YTHDF3: variants seen among roughly 807,000 people sequenced by gnomAD.
The protein encoded by YTHDF3 is YTH N6-methyladenosine RNA binding protein F3.
A neutral mutation model predicts 52.5 loss-of-function variants in YTHDF3; 9 were observed. The observed-to-expected ratio is 0.17, with a 90% CI of 0.10 to 0.30. The LOEUF (loss-of-function observed/expected upper bound fraction) is 0.30, where lower values mean the gene tolerates loss of function less well. Ranked by LOEUF, YTHDF3 falls within the 10% of genes least tolerant of loss-of-function variation. The probability of loss-of-function intolerance (pLI) is 1.00; values close to 1 mark genes in which losing one functional copy is unlikely to be tolerated. For missense variants in YTHDF3, 534 were observed against 715.0 expected (o/e 0.75, Z 2.89); for synonymous variants, 274 against 243.3 (o/e 1.13, Z -1.18).
intron 4 of YTHDF3, among the ~76,000 whole-genome samples, chr8:63,189,466 A>G (rs1585765048): frequency 1.3e-5 from 2 of 152,246 alleles, no homozygotes; most frequent in South Asian, 2.1e-4. Flanking sequence ...GCTTGTTACT[A>G]TGGAAAGCAT....
intron 3 of YTHDF3, among the ~76,000 whole-genome samples, chr8:63,179,648 T>A (rs911412037): frequency 6.6e-6 from 1 of 152,202 alleles, no homozygotes; most frequent in African/African-American, 2.4e-5. Flanking sequence ...ACCATCCGAT[T>A]TCTCAATCTT....
Position 63,187,776 on chromosome 8 carries a change from CT to C in YTHDF3, c.1734+34del. The C allele has an allele frequency of 1.9e-6, 3 of 1,541,384 alleles. No individual in the cohort carries two copies. The South Asian group carries it at 3.8e-5, about 20-fold the overall frequency. On this transcript the variant is annotated intron_variant, in intron 4 of 4. Transcript: ENST00000539294. ...AATATAGTAATTTTTTGTTTGGGGT[CT>C]TTGTATTGCTGGTGGGGTGCATGGA... is the stretch of plus-strand genomic sequence containing the variant.
At chr8:63,173,317 C>T (rs1807469887) in intron 2 of YTHDF3, among the ~76,000 whole-genome samples, 1 of 150,022 alleles carries the variant, frequency 6.7e-6, no homozygotes, top group Non-Finnish European at 1.5e-5. Flanking sequence ...AATCATAGCT[C>T]AGTGTAACCT....
At position 63,169,393 on chromosome 8, in the gene YTHDF3, A is replaced by G; in HGVS notation, c.31A>G (p.Lys11Glu). 1 of 1,602,054 alleles carries G rather than the reference A, an allele frequency of 6.2e-7. No individual in the cohort carries two copies. The highest frequency in any genetic ancestry group is 2.2e-5 in the East Asian group (1 of 44,698). ...CTTTCGTCTTGCAACACAGAGACCT[A>G]AAGGGCAAGGAAATAAAGGTGAGTT... MSATSVDQRP[K>E]GQGNKVSVQN... The change falls in exon 2 of 5, where the codon AAA becomes GAA. Residue 11 changes from lysine to glutamate, a missense_variant. Physicochemically the swap from Lys to Glu is moderately conservative, Grantham distance 56. Coordinates refer to ENST00000539294, the MANE Select transcript of YTHDF3 (RefSeq NM_152758.6).
At chr8:63,200,687 T>G (rs978680043) in intron 4 of YTHDF3, among the ~76,000 whole-genome samples, 8 of 152,206 alleles carry the variant, frequency 5.3e-5, no homozygotes, top group Admixed American at 3.3e-4. Flanking sequence ...TTGTTATGAT[T>G]ATCAGGTTTT....
Position 63,186,263 on chromosome 8 carries a change from G to A in YTHDF3, c.252G>A (p.Met84Ile), listed in dbSNP as rs1808494431. 1 of 1,614,002 alleles carries A rather than the reference G, an allele frequency of 6.2e-7. No individual in the cohort carries two copies. Among genetic ancestry groups the A allele is most frequent in the East Asian group, 2.2e-5 (1 of 44,870 alleles). Residue 84 changes from methionine (M) to isoleucine (I), a missense_variant, in exon 4 of 5, where the codon ATG becomes ATA. Coordinates refer to ENST00000539294, the MANE Select transcript of YTHDF3 (RefSeq NM_152758.6). ...GGTCCACAGCTGGAGACCAGCCTAT[G>A]CCATATCTGACAACCTATGGACAAA... Reference protein sequence around the residue: ...AAWSTAGDQPMPYLTTYGQMS... With the variant: ...AAWSTAGDQPIPYLTTYGQMS...
intron 2 of YTHDF3, among the ~76,000 whole-genome samples, chr8:63,170,345 G>A (rs907842370): frequency 2.6e-5 from 4 of 152,050 alleles, no homozygotes; most frequent in Admixed American, 6.5e-5. Context: ...ATTCTTGTTA[G>A]GGTATTTATT....
chr8:63,169,045 G>C (rs1335540337), intron 1 of YTHDF3, 144 bp downstream of exon 1: 9 of 1,428,982 alleles, frequency 6.3e-6, no homozygotes, highest in Non-Finnish European at 7.3e-6. Context: ...GTAGCTACCC[G>C]GGCCGGGGCG....
At chr8:63,185,681 T>C (rs1051792705) in intron 3 of YTHDF3, among the ~76,000 whole-genome samples, 2 of 152,248 alleles carry the variant, frequency 1.3e-5, no homozygotes, top group African/African-American at 4.8e-5. Context: ...GATTCCATCA[T>C]ATAGATAAGC....
intron 4 of YTHDF3, 50 bp downstream of exon 4, chr8:63,187,795 T>A (rs747270878): frequency 5.3e-6 from 8 of 1,509,050 alleles, no homozygotes; most frequent in Non-Finnish European, 6.2e-6. Context: ...GCTGGTGGGG[T>A]GCATGGATGG....
intron 4 of YTHDF3, among the ~76,000 whole-genome samples, chr8:63,190,210 T>G (rs1363747892): frequency 1.3e-5 from 2 of 152,076 alleles, no homozygotes; most frequent in African/African-American, 4.8e-5. Flanking sequence ...AGCATGGAAG[T>G]GGGATGAGAT....
At position 63,209,718 on chromosome 8, in the gene YTHDF3, T is replaced by C. The variant is rs781441216; in HGVS notation, c.*12T>C. 3.2e-6 allele frequency: 5 copies of C among 1,574,700 alleles called. No individual in the cohort carries two copies. The African/African-American group carries it at 6.8e-5, about 22-fold the overall frequency. On this transcript the variant is annotated 3_prime_UTR_variant, in exon 5 of 5. Transcript: ENST00000539294. ...GAAACAAACAATAACCGTATGAAGA[T>C]GTCCTGTTAAATTTACAACACTAAC...
In YTHDF3 at chr8:63,189,516, A is replaced by G. The variant is rs371303581; in HGVS notation, c.1734+1771A>G. Among the ~76,000 whole-genome samples, 34 of 152,354 alleles carry G rather than the reference A, an allele frequency of 2.2e-4. No homozygotes were observed. The East Asian group carries it at 4.0e-3, about 18-fold the overall frequency. The stretch of plus-strand genomic sequence containing the variant: ...CTTGTTCCTATGTAGAAATTAAGAT[A>G]AAGAGGTAACTTAACTCTATGTAAA... On this transcript the variant is annotated intron_variant, in intron 4 of 4. Coordinates refer to ENST00000539294, the MANE Select transcript of YTHDF3 (RefSeq NM_152758.6).
Position 63,168,788 on chromosome 8 carries a change from C to G in YTHDF3, c.-90C>G. On this transcript the variant is annotated 5_prime_UTR_variant, in exon 1 of 5. Transcript: ENST00000539294. ...GCAGCGGCGGCGGCTGGAACAATCA[C>G]TCGGCCAAGGGCGACAGCCAACTGC... 6.5e-7 allele frequency: 1 copy of G among 1,547,572 alleles called. No homozygotes were observed. The highest frequency in any genetic ancestry group is 8.7e-7 in the Non-Finnish European group (1 of 1,145,440).
chr8:63,204,361 G>GC (rs1809846241), intron 4 of YTHDF3, among the ~76,000 whole-genome samples: 1 of 124,852 alleles, frequency 8.0e-6, no homozygotes, highest in Admixed American at 8.1e-5. Context: ...TGTGTTTGTT[G>GC]TTTTTTTTTT....
chr8:63,169,521 G>T lies in YTHDF3; in HGVS notation c.49+110G>T, dbSNP rs914026791. ...TGCTCCCTCTTGGGAAAAAATGTAG[G>T]ATTAGGGAAAATATTCATCATGGCT... On this transcript the variant is annotated intron_variant, in intron 2 of 4. Transcript: ENST00000539294. 1.5e-5 allele frequency: 19 copies of T among 1,230,246 alleles called. 1 individual carries two copies. Among genetic ancestry groups the T allele is most frequent in the Middle Eastern group, 4.2e-4 (2 of 4,732 alleles). The allele number at this position is 1,230,246 out of a possible 1,614,324, so 76.2% of individuals were successfully genotyped here.
intron 2 of YTHDF3, among the ~76,000 whole-genome samples, chr8:63,169,863 G>A (rs1282507653): frequency 6.6e-6 from 1 of 152,192 alleles, no homozygotes; most frequent in Non-Finnish European, 1.5e-5. Flanking sequence ...TGATTCTATT[G>A]AAGTCAGTTG....
intron 4 of YTHDF3, among the ~76,000 whole-genome samples, chr8:63,192,857 T>C (rs1309375405): frequency 6.6e-6 from 1 of 151,922 alleles, no homozygotes; most frequent in East Asian, 1.9e-4. Flanking sequence ...TAAGTCATTA[T>C]TAGTGTCTGG....
At chr8:63,194,339 G>A (rs1263427730) in intron 4 of YTHDF3, among the ~76,000 whole-genome samples, 1 of 152,068 alleles carries the variant, frequency 6.6e-6, no homozygotes. Flanking sequence ...CAAAAAATTA[G>A]CCGGGCATGG....
Sources: allele counts gnomAD v4.1 joint callset (sites outside exome capture counted in the v4.1 genomes callset), GRCh38; gene constraint gnomAD v4.1.1; transcripts MANE v1.5; gene names NCBI Gene and HGNC (gene_info 2026-07-23, HGNC 2026-07-21).